ZNF469: variants seen among roughly 807,000 people sequenced by gnomAD.
ZNF469 encodes zinc finger protein 469.
In ZNF469, 1 loss-of-function variant was observed where a neutral mutation model predicts 1.0. The observed-to-expected ratio is 1.00, with a 90% CI of 0.35 to 4.73. The LOEUF is 4.73. Among genes scored for constraint, ZNF469 ranks in the 30% most tolerant of loss-of-function variants. The pLI, the probability that ZNF469 is intolerant of heterozygous loss-of-function variation, is 0.16. For synonymous variants in ZNF469, 2,703 were observed against 2,363.4 expected (o/e 1.14, Z -4.17); for missense variants, 6,100 against 5,356.3 (o/e 1.14, Z -4.33).
chr16:88,342,161 G>GC, the ZNF469 span, among the ~76,000 whole-genome samples: 1 of 152,078 alleles, frequency 6.6e-6, no homozygotes, highest in Admixed American at 6.5e-5. Context: ...CCAGCCCTTC[G>GC]CCCCCCAGCA....
At chr16:88,340,268 G>A in the ZNF469 span, among the ~76,000 whole-genome samples, 1 of 152,192 alleles carries the variant, frequency 6.6e-6, no homozygotes, top group Non-Finnish European at 1.5e-5. Context: ...TCATAGGTGG[G>A]AGTGAGCCAC....
At chr16:88,115,687 A>T in the ZNF469 span, among the ~76,000 whole-genome samples, 2 of 148,362 alleles carry the variant, frequency 1.3e-5, no homozygotes, top group Admixed American at 6.8e-5. Context: ...GGGCCCTTCC[A>T]TCTGTACTCC....
the ZNF469 span, among the ~76,000 whole-genome samples, chr16:88,300,881 A>G: frequency 6.6e-6 from 1 of 152,096 alleles, no homozygotes; most frequent in Non-Finnish European, 1.5e-5. Context: ...CCTGGCCAAC[A>G]TGGTGAAACC....
At chr16:88,196,526 A>G in the ZNF469 span, among the ~76,000 whole-genome samples, 5 of 152,102 alleles carry the variant, frequency 3.3e-5, no homozygotes, top group Non-Finnish European at 7.4e-5. Flanking sequence ...GACAGCCCCA[A>G]CTAAAACCCA....
the ZNF469 span, among the ~76,000 whole-genome samples, chr16:88,310,193 G>A: frequency 6.6e-6 from 1 of 152,132 alleles, no homozygotes. Context: ...AGAACCCTCA[G>A]ATTACACGGA....
At chr16:88,187,982 C>T in the ZNF469 span, among the ~76,000 whole-genome samples, 1 of 151,996 alleles carries the variant, frequency 6.6e-6, no homozygotes, top group African/African-American at 2.4e-5. Flanking sequence ...CATCCCGGGC[C>T]CTGTCTTTCA....
chr16:88,177,231 A>T, the ZNF469 span: 1 of 152,246 alleles, frequency 6.6e-6, no homozygotes, highest in Non-Finnish European at 1.5e-5. The surrounding 1 kb of genome is among the most constrained non-coding windows in gnomAD (Gnocchi z 4.8). Flanking sequence ...AGCTGAACTC[A>T]TGTGCCAAAC....
At chr16:88,235,825 G>GA in the ZNF469 span, among the ~76,000 whole-genome samples, 2 of 152,234 alleles carry the variant, frequency 1.3e-5, no homozygotes, top group South Asian at 4.1e-4. Context: ...GTGCCGCAGG[G>GA]GGTTGGGCCA....
the ZNF469 span, among the ~76,000 whole-genome samples, chr16:88,157,064 G>A: frequency 3.3e-4 from 50 of 152,350 alleles, no homozygotes; most frequent in East Asian, 8.5e-3. Flanking sequence ...CATGGCCCAT[G>A]CAGCCGATGC....
chr16:88,269,210 C>T, the ZNF469 span, among the ~76,000 whole-genome samples: 3 of 152,160 alleles, frequency 2.0e-5, no homozygotes, highest in Non-Finnish European at 4.4e-5. Context: ...TTTCCACGGC[C>T]GGCTGGGGCA....
chr16:88,334,831 C>A, the ZNF469 span, among the ~76,000 whole-genome samples: 2 of 151,936 alleles, frequency 1.3e-5, no homozygotes, highest in Non-Finnish European at 2.9e-5. Flanking sequence ...GGGAAGATGC[C>A]GACGGGAGGA....
At chr16:88,196,686 A>G in the ZNF469 span, among the ~76,000 whole-genome samples, 5,947 of 152,262 alleles carry the variant, frequency 0.039, 304 homozygotes, top group African/African-American at 0.11. Flanking sequence ...CTCTGCCCAA[A>G]TTGTCTTGGT....
rs535644523 is a variant in ZNF469 at position 88,388,475 on chromosome 16, C to T, written c.-192+5221C>T. 1.0e-4 allele frequency among the ~76,000 whole-genome samples: 16 copies of T among 152,388 alleles called. No individual in the cohort carries two copies. In the East Asian group the frequency reaches 2.7e-3, roughly 26 times the overall value. ...CTGAGCGGGGTTTTCCGCATTCCTCCGGGGCTGCTGGGCCAAGGTGGCTGT... is the reference window on the plus strand; with the variant it reads ...CTGAGCGGGGTTTTCCGCATTCCTCTGGGGCTGCTGGGCCAAGGTGGCTGT... On this transcript the variant is annotated intron_variant, in intron 1 of 2. Coordinates refer to ENST00000565624, the MANE Select transcript of ZNF469 (RefSeq NM_001367624.2).
the ZNF469 span, among the ~76,000 whole-genome samples, chr16:88,283,804 C>T: frequency 1.3e-4 from 19 of 150,534 alleles, no homozygotes; most frequent in African/African-American, 4.4e-4. Context: ...CCCCAGTGTG[C>T]CCGAGGTCTG....
the ZNF469 span, among the ~76,000 whole-genome samples, chr16:88,271,170 C>T: frequency 6.6e-6 from 1 of 151,442 alleles, no homozygotes; most frequent in Non-Finnish European, 1.5e-5. Context: ...ACAGAATGCT[C>T]GAGCCCAGGC....
the ZNF469 span, among the ~76,000 whole-genome samples, chr16:88,123,112 A>G: frequency 6.6e-6 from 1 of 152,064 alleles, no homozygotes; most frequent in Non-Finnish European, 1.5e-5. Flanking sequence ...GTATGGACAC[A>G]TTTTTGCACT....
chr16:88,107,151 A>G, the ZNF469 span, among the ~76,000 whole-genome samples: 1 of 11,616 alleles, frequency 8.6e-5, no homozygotes, highest in Non-Finnish European at 1.1e-3. Flanking sequence ...GGCCAGCTGG[A>G]AAAGGCTCCC....
the ZNF469 span, among the ~76,000 whole-genome samples, chr16:88,224,756 C>T: frequency 4.6e-5 from 7 of 151,090 alleles, no homozygotes; most frequent in Middle Eastern, 3.4e-3. Context: ...TAAGTGTGCA[C>T]GTGTGTGTCT....
chr16:88,421,645 G>C (rs184308134), intron 1 of ZNF469, among the ~76,000 whole-genome samples: 1 of 152,210 alleles, frequency 6.6e-6, no homozygotes, highest in Admixed American at 6.5e-5. Context: ...CCGCAAGCTG[G>C]GCAGGCAGAG....
Sources: gnomAD v4.1 joint callset for allele counts (sites outside exome capture counted in the v4.1 genomes callset) on GRCh38, gnomAD v4.1.1 for gene constraint, Gnocchi (gnomAD v3.1) non-coding constraint, MANE v1.5 for transcripts, NCBI Gene and HGNC (gene_info 2026-07-23, HGNC 2026-07-21) for gene names.